Variants in KCTD8 observed in about 807,000 individuals in gnomAD.
The protein encoded by KCTD8 is potassium channel tetramerization domain containing 8, also known as BTB/POZ domain-containing protein KCTD8.
A neutral mutation model predicts 31.5 loss-of-function variants in KCTD8; 27 were observed. The observed-to-expected ratio is 0.86, with a 90% CI of 0.63 to 1.18. The LOEUF is 1.18. Among genes scored for constraint, KCTD8 ranks in the 50% most tolerant of loss-of-function variants. The probability of loss-of-function intolerance (pLI) is 0.00; values close to 1 mark genes in which losing one functional copy is unlikely to be tolerated. For synonymous variants in KCTD8, 290 were observed against 280.0 expected, an observed-to-expected ratio of 1.04 and a Z score of -0.36; for missense variants, 658 against 647.7, an observed-to-expected ratio of 1.02 and a Z score of -0.17.
chr4:44,234,122 CCTGCAGAGAGTTA>C (rs1471110293), intron 1 of KCTD8, among the ~76,000 whole-genome samples: 3 of 152,054 alleles, frequency 2.0e-5, no homozygotes, highest in Non-Finnish European at 4.4e-5. Context: ...TCAAAACAAC[CCTGCAGAGAGTTA>C]CTCTTACCAA....
At position 44,278,511 on chromosome 4, in the gene KCTD8, G is replaced by A. The variant is rs112399765; in HGVS notation, c.962-103261C>T. ...AGGGCAATGGTGAAAAATGAAGGGA[G>A]CAGCACATTTGTAGAGGTGATGATG... On this transcript the variant is annotated intron_variant, in intron 1 of 1. Transcript: ENST00000360029. Among the ~76,000 whole-genome samples the A allele has an allele frequency of 8.1e-3, 1,226 of 152,098 alleles. 14 individuals carry two copies. The highest frequency in any genetic ancestry group is 0.027 in the African/African-American group (1,136 of 41,516).
intron 1 of KCTD8, among the ~76,000 whole-genome samples, chr4:44,213,238 CT>C (rs1202638597): frequency 1.3e-5 from 2 of 151,802 alleles, no homozygotes; most frequent in African/African-American, 2.4e-5. Context: ...GCCCAGCCTT[CT>C]TTTTTTTATT....
intron 1 of KCTD8, among the ~76,000 whole-genome samples, chr4:44,217,917 T>G (rs1342676304): frequency 6.6e-6 from 1 of 152,016 alleles, no homozygotes; most frequent in Non-Finnish European, 1.5e-5. Context: ...ACTACTGGCT[T>G]CTTTCTCCCT....
chr4:44,237,802 A>C (rs546848260), intron 1 of KCTD8, among the ~76,000 whole-genome samples: 3 of 152,200 alleles, frequency 2.0e-5, no homozygotes, highest in Non-Finnish European at 4.4e-5. Flanking sequence ...GGCACATCAT[A>C]GGAGTGAGAT....
intron 1 of KCTD8, among the ~76,000 whole-genome samples, chr4:44,396,408 G>C (rs1377682395): frequency 1.3e-5 from 2 of 151,998 alleles, no homozygotes; most frequent in African/African-American, 2.4e-5. Flanking sequence ...CTGCACTATA[G>C]AGTGCACTAT....
intron 1 of KCTD8, among the ~76,000 whole-genome samples, chr4:44,349,397 T>C (rs1172838805): frequency 6.6e-6 from 1 of 152,088 alleles, no homozygotes; most frequent in Non-Finnish European, 1.5e-5. Context: ...GCTAATCCAA[T>C]GGGAAGCTTG....
chr4:44,247,669 GGATTTGA>G (rs1200552091), intron 1 of KCTD8, among the ~76,000 whole-genome samples: 2 of 151,690 alleles, frequency 1.3e-5, no homozygotes, highest in African/African-American at 2.4e-5. Flanking sequence ...CTGTTTCTGT[GGATTTGA>G]CTATTTTAGG....
chr4:44,377,286 C>A (rs1365489173), intron 1 of KCTD8, among the ~76,000 whole-genome samples: 4 of 152,148 alleles, frequency 2.6e-5, no homozygotes, highest in Non-Finnish European at 5.9e-5. Context: ...TTCCCTCACA[C>A]ATGTTTGGAC....
rs546118429 is a variant in KCTD8, at chr4:44,382,363, G to T, written c.961+65200C>A. Among the ~76,000 whole-genome samples, 4 of 152,108 alleles carry T rather than the reference G, an allele frequency of 2.6e-5. No individual in the cohort carries two copies. In the East Asian group the frequency reaches 7.8e-4, roughly 30 times the overall value. On this transcript the variant is annotated intron_variant, in intron 1 of 1. Transcript: ENST00000360029. ...AAGGAGCATACATCAATACAATAAAGGCCATATATGACAAACCCATGTTTA... is the reference window on the plus strand; with the variant it reads ...AAGGAGCATACATCAATACAATAAATGCCATATATGACAAACCCATGTTTA...
intron 1 of KCTD8, among the ~76,000 whole-genome samples, chr4:44,301,340 A>C (rs930959789): frequency 1.8e-4 from 28 of 152,124 alleles, no homozygotes; most frequent in Non-Finnish European, 8.8e-5. Flanking sequence ...CCAACAGTGT[A>C]AAAGTGTTCC....
At chr4:44,321,702 C>T (rs1453856516) in intron 1 of KCTD8, among the ~76,000 whole-genome samples, 6 of 152,056 alleles carry the variant, frequency 3.9e-5, no homozygotes, top group Non-Finnish European at 7.4e-5. Flanking sequence ...AACTCATTCC[C>T]TTTCTCTAAT....
At position 44,310,701 on chromosome 4, in the gene KCTD8, T is replaced by C. The variant is rs549162935; in HGVS notation, c.962-135451A>G. ...ATAAAACATAATTAGTTACCACCAA[T>C]GTGCAGAGAAATTGTAAATGTGATT... On this transcript the variant is annotated intron_variant, in intron 1 of 1. Coordinates refer to ENST00000360029, the MANE Select transcript of KCTD8 (RefSeq NM_198353.3). 3.9e-5 allele frequency among the ~76,000 whole-genome samples: 6 copies of C among 152,246 alleles called. No homozygotes were observed. In the South Asian group the frequency reaches 1.2e-3, roughly 32 times the overall value.
intron 1 of KCTD8, among the ~76,000 whole-genome samples, chr4:44,276,099 T>C (rs1240919640): frequency 6.6e-6 from 1 of 151,876 alleles, no homozygotes; most frequent in Non-Finnish European, 1.5e-5. Context: ...TCTGACCTGG[T>C]GCAGGCAAAA....
At chr4:44,412,388 A>G (rs1200881580) in intron 1 of KCTD8, among the ~76,000 whole-genome samples, 1 of 152,166 alleles carries the variant, frequency 6.6e-6, no homozygotes, top group African/African-American at 2.4e-5. Flanking sequence ...TGACTCTTTG[A>G]GTTATCTTAC....
chr4:44,311,469 T>C (rs955956499), intron 1 of KCTD8, among the ~76,000 whole-genome samples: 3 of 152,050 alleles, frequency 2.0e-5, no homozygotes, highest in African/African-American at 4.8e-5. Flanking sequence ...CAGTAAAAAA[T>C]ATTGTCCACC....
intron 1 of KCTD8, among the ~76,000 whole-genome samples, chr4:44,384,081 A>G (rs1285792358): frequency 6.6e-6 from 1 of 151,902 alleles, no homozygotes; most frequent in Non-Finnish European, 1.5e-5. Flanking sequence ...CCTAATCATC[A>G]GGGAAATGCA....
intron 1 of KCTD8, among the ~76,000 whole-genome samples, chr4:44,290,302 C>A (rs555083068): frequency 6.6e-6 from 1 of 151,988 alleles, no homozygotes; most frequent in East Asian, 1.9e-4. Context: ...ATTAGTGCAC[C>A]CAGATTCATA....
intron 1 of KCTD8, among the ~76,000 whole-genome samples, chr4:44,240,033 T>G (rs1715402131): frequency 6.6e-6 from 1 of 152,202 alleles, no homozygotes; most frequent in Admixed American, 6.5e-5. Flanking sequence ...TACTGACTCC[T>G]GCAGGAATCA....
At chr4:44,330,171 T>C (rs1577619562) in intron 1 of KCTD8, among the ~76,000 whole-genome samples, 1 of 152,090 alleles carries the variant, frequency 6.6e-6, no homozygotes, top group East Asian at 1.9e-4. Flanking sequence ...GTGGACCTTT[T>C]GGTTAGTCTT....
Sources: gnomAD v4.1 joint callset for allele counts (sites outside exome capture counted in the v4.1 genomes callset) on GRCh38, gnomAD v4.1.1 for gene constraint, MANE v1.5 for transcripts, NCBI Gene and HGNC (gene_info 2026-07-23, HGNC 2026-07-21) for gene names.